HOMER2: variants seen among roughly 807,000 people sequenced by gnomAD.
HOMER2 encodes homer scaffold protein 2.
A neutral mutation model predicts 47.0 loss-of-function variants in HOMER2; 27 were observed. The observed-to-expected ratio is 0.57, with a 90% confidence interval of 0.42 to 0.79. The LOEUF (loss-of-function observed/expected upper bound fraction) is 0.79. Among genes scored for constraint, HOMER2 ranks in the 30% least tolerant of loss-of-function variants. The pLI is 0.00. For synonymous variants in HOMER2, 161 were observed against 163.8 expected (o/e 0.98, Z 0.13); for missense variants, 443 against 435.0 (o/e 1.02, Z -0.16).
chr15:82,901,064 T>C (rs1300756584), intron 1 of HOMER2, among the ~76,000 whole-genome samples: 1 of 152,188 alleles, frequency 6.6e-6, no homozygotes, highest in African/African-American at 2.4e-5. Flanking sequence ...GCTTTGAACA[T>C]ACATTCTCCT....
intron 3 of HOMER2, among the ~76,000 whole-genome samples, chr15:82,868,403 A>C (rs2052047512): frequency 6.6e-6 from 1 of 151,198 alleles, no homozygotes. Context: ...AGAGAAGAAC[A>C]ACACACACAG....
At chr15:82,901,913 G>T (rs1284213348) in intron 1 of HOMER2, among the ~76,000 whole-genome samples, 1 of 152,188 alleles carries the variant, frequency 6.6e-6, no homozygotes, top group Non-Finnish European at 1.5e-5. Flanking sequence ...ATAATACACA[G>T]GTATCTGTCG....
intron 6 of HOMER2, among the ~76,000 whole-genome samples, chr15:82,853,098 A>G (rs1205543951): frequency 6.6e-6 from 1 of 152,218 alleles, no homozygotes; most frequent in Non-Finnish European, 1.5e-5. Flanking sequence ...TCCCAGAGGC[A>G]GGCTGCACCA....
At position 82,875,180 on chromosome 15, in the gene HOMER2, C is replaced by T. The variant is rs1289678447; in HGVS notation, c.294+93G>A. On this transcript the variant is annotated intron_variant, in intron 3 of 8. Coordinates refer to ENST00000450735, the MANE Select transcript of HOMER2 (RefSeq NM_004839.4). Reference sequence around the variant, plus strand: ...TGAAACCAAAGACCAGAAAGGAATCCTGCTCACCAAGGGCACATCCCTCGG... The same window carrying T: ...TGAAACCAAAGACCAGAAAGGAATCTTGCTCACCAAGGGCACATCCCTCGG... The T allele has an allele frequency of 6.3e-6, 9 of 1,434,544 alleles. No homozygotes were observed. The Admixed American group carries it at 1.7e-4, about 27-fold the overall frequency. 88.9% of individuals were successfully genotyped at this position (1,434,544 alleles called of 1,614,324 possible).
rs1454166536 is a variant in HOMER2, at chr15:82,849,653, G to C, written c.*62C>G. ...GCAATGCACACAGAAGAACGTCCTAGAGCTATCTGGTCTCGCACACACGCT... is the reference window on the plus strand; with the variant it reads ...GCAATGCACACAGAAGAACGTCCTACAGCTATCTGGTCTCGCACACACGCT... On this transcript the variant is annotated 3_prime_UTR_variant, in exon 9 of 9. Transcript: ENST00000450735. The C allele has an allele frequency of 1.4e-6, 2 of 1,451,972 alleles. No individual in the cohort carries two copies. Among genetic ancestry groups the C allele is most frequent in the Non-Finnish European group, 1.9e-6 (2 of 1,061,212 alleles). The allele number at this position is 1,451,972 out of a possible 1,614,324, so 89.9% of individuals were successfully genotyped here. A position where few individuals can be genotyped will look rare whatever the true frequency, so the allele number is the denominator to read the frequency against.
At chr15:82,895,233 G>A (rs547665794) in intron 1 of HOMER2, among the ~76,000 whole-genome samples, 2 of 152,168 alleles carry the variant, frequency 1.3e-5, no homozygotes, top group African/African-American at 2.4e-5. Flanking sequence ...TGGATTACTA[G>A]GGCATTTTTA....
intron 4 of HOMER2, 147 bp from the exon 5 acceptor site, chr15:82,859,282 C>A: frequency 3.8e-6 from 4 of 1,063,344 alleles, no homozygotes; most frequent in South Asian, 3.2e-5. Context: ...AACCAGAATG[C>A]AGCAAAGACT....
At chr15:82,941,780 A>C (rs916982245) in intron 1 of HOMER2, among the ~76,000 whole-genome samples, 2 of 152,114 alleles carry the variant, frequency 1.3e-5, no homozygotes, top group Non-Finnish European at 2.9e-5. Flanking sequence ...TCTACTCCAC[A>C]TTCTTTTCCA....
At chr15:82,853,165 G>A (rs533101697) in intron 6 of HOMER2, among the ~76,000 whole-genome samples, 2 of 152,262 alleles carry the variant, frequency 1.3e-5, no homozygotes, top group East Asian at 1.9e-4. Flanking sequence ...ACCAACTTCC[G>A]CCTCCAACCC....
intron 1 of HOMER2, among the ~76,000 whole-genome samples, chr15:82,934,312 C>T (rs2054089767): frequency 6.6e-6 from 1 of 152,102 alleles, no homozygotes; most frequent in Non-Finnish European, 1.5e-5. Context: ...CCTCTTCCGC[C>T]CACCACCTGT....
At chr15:82,863,388 T>TA (rs890778244) in intron 4 of HOMER2, among the ~76,000 whole-genome samples, 2 of 152,090 alleles carry the variant, frequency 1.3e-5, no homozygotes, top group Non-Finnish European at 2.9e-5. Flanking sequence ...AGCTAATAAA[T>TA]AAAAAATTAC....
At chr15:82,867,228 T>C (rs2052000244) in intron 3 of HOMER2, among the ~76,000 whole-genome samples, 1 of 152,064 alleles carries the variant, frequency 6.6e-6, no homozygotes, top group East Asian at 1.9e-4. Flanking sequence ...AAATTCTGGA[T>C]GCAAACAGAA....
At chr15:82,927,034 G>T (rs2053869447) in intron 1 of HOMER2, among the ~76,000 whole-genome samples, 1 of 152,094 alleles carries the variant, frequency 6.6e-6, no homozygotes, top group African/African-American at 2.4e-5. Flanking sequence ...CTACTCCTAT[G>T]ACCTAATCAC....
chr15:82,925,942 A>C (rs2053843715), intron 1 of HOMER2: 1 of 151,554 alleles, frequency 6.6e-6, no homozygotes, highest in African/African-American at 2.4e-5. Flanking sequence ...CCTCTCTCCT[A>C]CACTAATCTT....
chr15:82,953,293 T>A (rs2054545640), upstream of HOMER2, among the ~76,000 whole-genome samples: 1 of 152,094 alleles, frequency 6.6e-6, no homozygotes, highest in South Asian at 2.1e-4. Flanking sequence ...TGCTCTGGGC[T>A]CTTTCCTGGA....
chr15:82,964,860 GA>G (rs1395850347), intron 1 of HOMER2, among the ~76,000 whole-genome samples: 1 of 152,142 alleles, frequency 6.6e-6, no homozygotes, highest in African/African-American at 2.4e-5. Context: ...GTTTCCATGG[GA>G]AGTCAACAAG....
chr15:82,852,384 T>C (rs1405709070), intron 6 of HOMER2, 132 bp from the exon 7 acceptor site: 1 of 674,040 alleles, frequency 1.5e-6, no homozygotes, highest in African/African-American at 1.8e-5. Context: ...AGATTTTCTT[T>C]GTGGCTATGA....
intron 1 of HOMER2, among the ~76,000 whole-genome samples, chr15:82,938,419 T>C (rs1421706720): frequency 6.6e-6 from 1 of 152,126 alleles, no homozygotes; most frequent in Non-Finnish European, 1.5e-5. Context: ...TATGCCCCTC[T>C]TCTGGCCACA....
At position 82,843,520 on chromosome 15, in the gene HOMER2, A is replaced by T. The variant is rs112986194; in HGVS notation, c.*3754T>A. The T allele has an allele frequency of 3.2e-5, 4 of 125,814 alleles. No individual in the cohort carries two copies. The South Asian group carries it at 9.9e-4, about 31-fold the overall frequency. 7.8% of individuals were successfully genotyped at this position (125,814 alleles called of 1,614,324 possible). ...CATGACGGCATAGGTAGCAACCATT[A>T]AAAAAAAAAAAAAAAGTAACAGATA... is the stretch of plus-strand genomic sequence containing the variant. On this transcript the variant is annotated 3_prime_UTR_variant, in exon 2 of 2. Coordinates refer to the HOMER2 transcript ENST00000558090.
Sources: gnomAD v4.1 joint callset for allele counts (sites outside exome capture counted in the v4.1 genomes callset) on GRCh38, gnomAD v4.1.1 for gene constraint, MANE v1.5 for transcripts, NCBI Gene and HGNC (gene_info 2026-07-23, HGNC 2026-07-21) for gene names.